Variants in OR2L13 observed in about 807,000 individuals in gnomAD.
OR2L13 encodes olfactory receptor 2L13.
In OR2L13, 14 loss-of-function variants were observed where a neutral mutation model predicts 15.3. That is an observed-to-expected ratio of 0.91 (90% CI 0.60 to 1.43). OR2L13 has a LOEUF of 1.43. Among genes scored for constraint, OR2L13 ranks in the 40% most tolerant of loss-of-function variants. OR2L13 has a pLI of 0.00. For synonymous variants in OR2L13, 152 were observed against 142.9 expected (o/e 1.06, Z -0.45); for missense variants, 367 against 387.9 (o/e 0.95, Z 0.45).
chr1:247,963,808 A>C, the OR2L13 span, among the ~76,000 whole-genome samples: 1 of 152,184 alleles, frequency 6.6e-6, no homozygotes, highest in African/African-American at 2.4e-5. Context: ...ATAGGTAGAC[A>C]CATATATGAC....
the OR2L13 span, among the ~76,000 whole-genome samples, chr1:248,037,256 G>T: frequency 1.3e-5 from 2 of 152,064 alleles, no homozygotes; most frequent in Admixed American, 6.6e-5. Context: ...ATTATGCAAA[G>T]ACAATTCAAG....
the OR2L13 span, among the ~76,000 whole-genome samples, chr1:248,072,481 A>G: frequency 2.6e-5 from 4 of 152,158 alleles, no homozygotes; most frequent in Non-Finnish European, 2.9e-5. Context: ...TTAATTCAAG[A>G]TGGATTAAAG....
chr1:248,030,132 T>A, the OR2L13 span: 7 of 152,160 alleles, frequency 4.6e-5, no homozygotes, highest in Non-Finnish European at 8.8e-5. Flanking sequence ...TAAGCAATAT[T>A]CTTAATGCTT....
At chr1:248,084,668 C>G in the OR2L13 span, 1 of 1,510,078 alleles carries the variant, frequency 6.6e-7, no homozygotes, top group Non-Finnish European at 8.9e-7. Context: ...GAATAACGAG[C>G]TAACTTCCCT....
chr1:248,038,923 G>A, the OR2L13 span: 68 of 1,613,928 alleles, frequency 4.2e-5, no homozygotes, highest in South Asian at 5.5e-4. Context: ...TCCTATGGCC[G>A]GGTTCTCCTT....
the OR2L13 span, among the ~76,000 whole-genome samples, chr1:248,079,108 A>G: frequency 2.0e-5 from 3 of 152,028 alleles, no homozygotes; most frequent in Non-Finnish European, 4.4e-5. Flanking sequence ...ATTGAATTTT[A>G]CAAACACACA....
chr1:248,033,933 C>A, the OR2L13 span, among the ~76,000 whole-genome samples: 2 of 152,210 alleles, frequency 1.3e-5, no homozygotes, highest in East Asian at 1.9e-4. Flanking sequence ...AAAGAGGAAG[C>A]CAAACTGTCC....
chr1:248,005,804 A>T, the OR2L13 span, among the ~76,000 whole-genome samples: 1 of 152,184 alleles, frequency 6.6e-6, no homozygotes, highest in East Asian at 1.9e-4. Flanking sequence ...TGCTTTTGAA[A>T]TGTCATTTCT....
chr1:248,002,806 C>T, the OR2L13 span, among the ~76,000 whole-genome samples: 4,040 of 150,234 alleles, frequency 0.027, 151 homozygotes, highest in African/African-American at 0.095. Context: ...TGCAGTGAGC[C>T]GAGATCGCAC....
the OR2L13 span, among the ~76,000 whole-genome samples, chr1:248,077,114 C>T: frequency 0.09 from 13,749 of 151,930 alleles, 907 homozygotes; most frequent in African/African-American, 0.17. Context: ...TGGTTTTTGT[C>T]ATTGATTCTG....
chr1:247,974,704 T>C, the OR2L13 span: 208,625 of 230,786 alleles, frequency 0.9, 94,976 homozygotes, highest in South Asian at 0.98. Context: ...TTCACTTATC[T>C]TTCTGCCGCC....
chr1:248,033,859 T>C, the OR2L13 span, among the ~76,000 whole-genome samples: 1 of 152,088 alleles, frequency 6.6e-6, no homozygotes, highest in Non-Finnish European at 1.5e-5. Flanking sequence ...CTCTTCAACA[T>C]AGTATTGGAA....
the OR2L13 span, chr1:248,003,991 C>T: frequency 1.2e-6 from 2 of 1,613,992 alleles, no homozygotes; most frequent in East Asian, 2.2e-5. Context: ...TCAACCCCAT[C>T]ATCTATAGCC....
At chr1:248,085,436 T>TAAAATAAAATAAAATAAAATAAAAA in the OR2L13 span, among the ~76,000 whole-genome samples, 1 of 84,552 alleles carries the variant, frequency 1.2e-5, no homozygotes, top group African/African-American at 4.5e-5. Context: ...TAAAATAAAA[T>TAAAATAAAATAAAATAAAATAAAAA]AATAAAATAA....
At chr1:247,980,395 T>TA in the OR2L13 span, among the ~76,000 whole-genome samples, 2 of 152,210 alleles carry the variant, frequency 1.3e-5, no homozygotes, top group African/African-American at 4.8e-5. Flanking sequence ...TTCTAAAACT[T>TA]ACTGCCAGTA....
the OR2L13 span, chr1:247,949,688 C>T: frequency 5.6e-6 from 9 of 1,613,830 alleles, no homozygotes; most frequent in African/African-American, 1.2e-4. Flanking sequence ...CTGTCTTCTA[C>T]ACCATCCTCA....
chr1:248,099,644 G>A, exon 3 of OR2L13: 2 of 1,614,094 alleles, frequency 1.2e-6, no homozygotes, highest in Non-Finnish European at 8.5e-7. Context: ...GGCCAGAAAG[G>A]CATCTCCTTC....
At chr1:248,037,077 T>G in the OR2L13 span, among the ~76,000 whole-genome samples, 1 of 152,062 alleles carries the variant, frequency 6.6e-6, no homozygotes, top group African/African-American at 2.4e-5. Flanking sequence ...ATTCAGAAAT[T>G]GGATGAGAAG....
chr1:248,003,181 C>T, the OR2L13 span: 16 of 1,463,816 alleles, frequency 1.1e-5, no homozygotes, highest in African/African-American at 1.4e-5. Context: ...TGGGGCTGTT[C>T]CCACCATCAA....
Sources: allele counts gnomAD v4.1 joint callset (sites outside exome capture counted in the v4.1 genomes callset), GRCh38; gene constraint gnomAD v4.1.1; transcripts MANE v1.5; gene names NCBI Gene and HGNC (gene_info 2026-07-23, HGNC 2026-07-21).